The following INPP5A variants were observed in gnomAD, a reference collection of about 807,000 sequenced individuals.
The protein encoded by INPP5A is inositol polyphosphate-5-phosphatase A, also known as 43 kDa inositol polyphosphate 5-phophatase.
In INPP5A, 14 loss-of-function variants were observed where a neutral mutation model predicts 65.2. The observed-to-expected ratio is 0.21, with a 90% CI of 0.14 to 0.34. The LOEUF (loss-of-function observed/expected upper bound fraction) is 0.34, where lower values mean the gene tolerates loss of function less well. Among genes scored for constraint, INPP5A ranks in the 10% least tolerant of loss-of-function variants. The pLI is 1.00. For synonymous variants in INPP5A, 207 were observed against 208.3 expected, an observed-to-expected ratio of 0.99 and a Z score of 0.05; for missense variants, 431 against 545.6, an observed-to-expected ratio of 0.79 and a Z score of 2.09.
chr10:132,685,082 A>G (rs2073097574), intron 4 of INPP5A, among the ~76,000 whole-genome samples: 1 of 152,150 alleles, frequency 6.6e-6, no homozygotes, highest in Non-Finnish European at 1.5e-5. Flanking sequence ...TGGAGGTGAA[A>G]ACGCTTTATC....
At chr10:132,599,860 C>A (rs1163105477) in intron 1 of INPP5A, among the ~76,000 whole-genome samples, 2 of 152,268 alleles carry the variant, frequency 1.3e-5, no homozygotes, top group Non-Finnish European at 2.9e-5. Context: ...CTTCCACCCT[C>A]TGAAGCCACA....
At chr10:132,539,436 T>TA (rs1166197114) in intron 1 of INPP5A, among the ~76,000 whole-genome samples, 1 of 152,142 alleles carries the variant, frequency 6.6e-6, no homozygotes, top group African/African-American at 2.4e-5. Context: ...CTATGGCCTT[T>TA]ACCTTCTAGG....
At chr10:132,756,016 C>T (rs907241545) in intron 11 of INPP5A, among the ~76,000 whole-genome samples, 1 of 152,248 alleles carries the variant, frequency 6.6e-6, no homozygotes, top group East Asian at 1.9e-4. Flanking sequence ...TCTGCCTGGG[C>T]CCCAGGGAGG....
chr10:132,554,763 G>T (rs371345382), intron 1 of INPP5A, among the ~76,000 whole-genome samples: 1 of 149,152 alleles, frequency 6.7e-6, no homozygotes, highest in Non-Finnish European at 1.5e-5. Context: ...GGGTGGCGTC[G>T]TTGGCACTGA....
chr10:132,697,286 C>T lies in INPP5A; in HGVS notation c.371-530C>T, dbSNP rs1403797957. Among the ~76,000 whole-genome samples, 2 of 152,242 alleles carry T rather than the reference C, an allele frequency of 1.3e-5. No individual in the cohort carries two copies. Among genetic ancestry groups the T allele is most frequent in the Non-Finnish European group, 2.9e-5 (2 of 68,040 alleles). ...GCCCTGCCCATGGCGAGGCCTGTGTCCCTGGGCCTGGCCTATCCACTGGGG... is the reference window on the plus strand; with the variant it reads ...GCCCTGCCCATGGCGAGGCCTGTGTTCCTGGGCCTGGCCTATCCACTGGGG... On this transcript the variant is annotated intron_variant, in intron 5 of 15. Transcript: ENST00000368594. The surrounding 1 kb of genome is among the most constrained non-coding windows in gnomAD (Gnocchi z 5.6).
intron 9 of INPP5A, among the ~76,000 whole-genome samples, chr10:132,735,618 C>T (rs2134604900): frequency 6.6e-6 from 1 of 152,388 alleles, no homozygotes; most frequent in Admixed American, 6.5e-5. Context: ...GTGGGGTCAT[C>T]CTCTTGCTCT....
At chr10:132,611,428 TTC>T (rs2071948276) in intron 2 of INPP5A, among the ~76,000 whole-genome samples, 1 of 51,834 alleles carries the variant, frequency 1.9e-5, no homozygotes, top group Non-Finnish European at 3.8e-5. Context: ...AGGTGAGGAG[TTC>T]ATGGGAGAGG....
At chr10:132,558,072 G>GCCACCGTGT (rs1328243898) in intron 1 of INPP5A, among the ~76,000 whole-genome samples, 2 of 152,192 alleles carry the variant, frequency 1.3e-5, no homozygotes, top group Non-Finnish European at 2.9e-5. Flanking sequence ...CCTAAACATG[G>GCCACCGTGT]CCACCGTGTC....
intron 8 of INPP5A, among the ~76,000 whole-genome samples, chr10:132,722,101 CAGT>C (rs1326783609): frequency 6.6e-6 from 1 of 152,056 alleles, no homozygotes; most frequent in African/African-American, 2.4e-5. Flanking sequence ...AAAATATTCT[CAGT>C]AGTTTTAGTA....
chr10:132,749,217 G>A (rs1238236665), intron 9 of INPP5A, among the ~76,000 whole-genome samples: 1 of 152,260 alleles, frequency 6.6e-6, no homozygotes, highest in Non-Finnish European at 1.5e-5. Context: ...TGTGCCTTCC[G>A]AGCCTGCTGG....
At chr10:132,601,013 T>A (rs1293368089) in intron 1 of INPP5A, among the ~76,000 whole-genome samples, 1 of 152,232 alleles carries the variant, frequency 6.6e-6, no homozygotes, top group Admixed American at 6.5e-5. Flanking sequence ...GCAGTGGAAT[T>A]GCTTCACTGT....
At chr10:132,671,341 C>T (rs1051669317) in intron 4 of INPP5A, among the ~76,000 whole-genome samples, 2 of 144,802 alleles carry the variant, frequency 1.4e-5, no homozygotes, top group Admixed American at 7.4e-5. Context: ...CTTCGGACTC[C>T]GCCCTCCCTG....
At chr10:132,662,945 A>C (rs1236237503) in intron 4 of INPP5A, among the ~76,000 whole-genome samples, 1 of 152,282 alleles carries the variant, frequency 6.6e-6, no homozygotes, top group South Asian at 2.1e-4. Context: ...ACATGGGTGC[A>C]ATTCTGTCAG....
At chr10:132,586,314 A>T (rs1268995875) in intron 1 of INPP5A, among the ~76,000 whole-genome samples, 1 of 152,186 alleles carries the variant, frequency 6.6e-6, no homozygotes, top group Non-Finnish European at 1.5e-5. Flanking sequence ...ACCCTCCAGG[A>T]CGGGGACTTG....
Position 132,585,656 on chromosome 10 carries a change from C to T in INPP5A, c.76-22259C>T, listed in dbSNP as rs1564924818. ...AGCATTACCAGGGCAAAGCCAGGAG[C>T]AATGATGACAACCCTGGATTCCCAG... On this transcript the variant is annotated intron_variant, in intron 1 of 15. Transcript: ENST00000368594. Among the ~76,000 whole-genome samples the T allele has an allele frequency of 2.0e-5, 3 of 152,220 alleles. No individual in the cohort carries two copies. The South Asian group carries it at 6.2e-4, about 32-fold the overall frequency.
intron 1 of INPP5A, among the ~76,000 whole-genome samples, chr10:132,605,787 T>C (rs1365814253): frequency 6.6e-6 from 1 of 152,188 alleles, no homozygotes; most frequent in African/African-American, 2.4e-5. Context: ...TGTCTTTTTT[T>C]CACGTTTCTT....
chr10:132,625,870 G>GTT (rs1564939249), intron 2 of INPP5A, among the ~76,000 whole-genome samples: 1 of 148,710 alleles, frequency 6.7e-6, no homozygotes, highest in Non-Finnish European at 1.5e-5. Context: ...GTGTGTGTGT[G>GTT]TGTGTGTTTG....
intron 2 of INPP5A, among the ~76,000 whole-genome samples, chr10:132,640,360 TC>T (rs1470102848): frequency 1.3e-5 from 2 of 152,242 alleles, no homozygotes; most frequent in East Asian, 3.8e-4. Flanking sequence ...GACTTAGGGT[TC>T]CCTCTTCCTA....
intron 11 of INPP5A, among the ~76,000 whole-genome samples, chr10:132,760,277 G>A (rs951471613): frequency 4.3e-4 from 65 of 152,304 alleles, no homozygotes; most frequent in Admixed American, 2.6e-4. Flanking sequence ...GGCCAGCACC[G>A]AGGACTGGGG....
Sources: gnomAD v4.1 joint callset for allele counts (sites outside exome capture counted in the v4.1 genomes callset) on GRCh38, gnomAD v4.1.1 for gene constraint, Gnocchi (gnomAD v3.1) non-coding constraint, MANE v1.5 for transcripts, NCBI Gene and HGNC (gene_info 2026-07-23, HGNC 2026-07-21) for gene names.